The following SFSWAP variants were observed in gnomAD, a reference collection of about 807,000 sequenced individuals.
SFSWAP encodes splicing factor, suppressor of white-apricot homolog.
A neutral mutation model predicts 100.7 loss-of-function variants in SFSWAP; 17 were observed. The ratio of observed to expected loss-of-function variants is 0.17; its 90% CI spans 0.12 to 0.25. SFSWAP has a LOEUF of 0.25. SFSWAP is among the 10% of genes least tolerant of loss of function. The probability of loss-of-function intolerance (pLI) is 1.00; values close to 1 mark genes in which losing one functional copy is unlikely to be tolerated. For missense variants in SFSWAP, 1,005 were observed against 1,262.6 expected, an observed-to-expected ratio of 0.80 and a Z score of 3.09; for synonymous variants, 504 against 510.1, an observed-to-expected ratio of 0.99 and a Z score of 0.16.
At chr12:131,751,048 C>G (rs919237839) in intron 7 of SFSWAP, among the ~76,000 whole-genome samples, 1 of 152,064 alleles carries the variant, frequency 6.6e-6, no homozygotes, top group African/African-American at 2.4e-5. Flanking sequence ...ATTTTGCCGG[C>G]ACTGCTATTT....
At position 131,714,869 on chromosome 12, in the gene SFSWAP, T is replaced by C. The variant is rs1436919365; in HGVS notation, c.436T>C (p.Tyr146His). 1 of 1,614,144 alleles carries C rather than the reference T, an allele frequency of 6.2e-7. No homozygotes were observed. Among genetic ancestry groups the C allele is most frequent in the East Asian group, 2.2e-5 (1 of 44,878 alleles). Residue 146 changes from tyrosine to histidine, a missense_variant, in exon 3 of 18, where the codon TAC becomes CAC. By Grantham distance (83) the Tyr-to-His change is moderately conservative. Around this residue, in one of 7 missense-constraint regions of SFSWAP, gnomAD observed 237 missense variants for 337.0 expected, o/e 0.70. Coordinates refer to ENST00000261674, the MANE Select transcript of SFSWAP (RefSeq NM_004592.4). The surrounding 1 kb of genome is among the most constrained non-coding windows in gnomAD (Gnocchi z 6.0). The stretch of plus-strand genomic sequence containing the variant: ...TGAAGCACTAGCAGAGGATGGGAGC[T>C]ACAATGCCGTGGGGTTCACTTACGG... ...LSEALAEDGS[Y>H]NAVGFTYGSD... is the part of the protein sequence containing the mutation.
chr12:131,741,916 T>C (rs756711728), intron 7 of SFSWAP, among the ~76,000 whole-genome samples: 3 of 151,984 alleles, frequency 2.0e-5, no homozygotes, highest in Admixed American at 6.6e-5. Context: ...GTGTGCAGGG[T>C]CTCATGCCGT....
chr12:131,773,443 ACTC>A (rs1883775155), intron 13 of SFSWAP, among the ~76,000 whole-genome samples: 2 of 151,744 alleles, frequency 1.3e-5, no homozygotes, highest in Non-Finnish European at 2.9e-5. Context: ...GGCCTGAAGC[ACTC>A]CTCCTACCTC....
chr12:131,721,179 T>G (rs1436930934), intron 4 of SFSWAP, among the ~76,000 whole-genome samples: 1 of 152,186 alleles, frequency 6.6e-6, no homozygotes, highest in Admixed American at 6.5e-5. Context: ...AAACTATTCA[T>G]GAAGGATCCA....
rs186519983 is a variant in SFSWAP, at chr12:131,723,962, A to G, written c.607-1443A>G. On this transcript the variant is annotated intron_variant, in intron 4 of 17. Coordinates refer to ENST00000261674, the MANE Select transcript of SFSWAP (RefSeq NM_004592.4). ...ATGTTGACTGTATTTTTTAAATCTC[A>G]TTGTGTAGTAGGAGTGATCATGATA... Among the ~76,000 whole-genome samples the G allele has an allele frequency of 7.2e-5, 11 of 152,340 alleles. No homozygotes were observed. The East Asian group carries it at 2.1e-3, about 29-fold the overall frequency.
intron 7 of SFSWAP, among the ~76,000 whole-genome samples, chr12:131,743,931 A>G (rs1258269517): frequency 6.6e-6 from 1 of 152,228 alleles, no homozygotes; most frequent in Non-Finnish European, 1.5e-5. Flanking sequence ...GAAGCTGCCA[A>G]GGCTTAGGGC....
chr12:131,796,602 AGAGT>A (rs1242646702), intron 15 of SFSWAP: 4 of 152,886 alleles, frequency 2.6e-5, no homozygotes, highest in Middle Eastern at 3.4e-3. Flanking sequence ...CCTGGACAAC[AGAGT>A]GAGACCCCAT....
At chr12:131,754,625 G>GTATTT in intron 9 of SFSWAP, 126 bp downstream of exon 9, 2 of 133,118 alleles carry the variant, frequency 1.5e-5, no homozygotes, top group Non-Finnish European at 2.8e-5. Flanking sequence ...TGGCTCAAAT[G>GTATTT]TCTTTTTTTT....
intron 15 of SFSWAP, among the ~76,000 whole-genome samples, chr12:131,788,834 CCT>C (rs1219775945): frequency 6.6e-6 from 1 of 152,080 alleles, no homozygotes; most frequent in Non-Finnish European, 1.5e-5. Flanking sequence ...AGCCCGTGTC[CCT>C]GTCTCAGAGC....
chr12:131,769,784 G>A (rs965340021), intron 13 of SFSWAP, among the ~76,000 whole-genome samples: 18 of 151,882 alleles, frequency 1.2e-4, no homozygotes, highest in African/African-American at 1.9e-4. Context: ...CCGCCACCAC[G>A]CCCGGCTAAT....
chr12:131,792,125 G>A (rs575484701), intron 15 of SFSWAP, among the ~76,000 whole-genome samples: 32 of 150,138 alleles, frequency 2.1e-4, no homozygotes, highest in African/African-American at 8.0e-4. Flanking sequence ...AGTACTGTGT[G>A]TGTGCACGTG....
intron 13 of SFSWAP, among the ~76,000 whole-genome samples, chr12:131,768,057 AT>A: frequency 6.6e-6 from 1 of 152,340 alleles, no homozygotes; most frequent in African/African-American, 2.4e-5. Flanking sequence ...GCTCATCTAT[AT>A]GTGCGCACGT....
rs548759996 is a variant in SFSWAP at position 131,799,409 on chromosome 12, C to G, written c.2791-14C>G. The stretch of plus-strand genomic sequence containing the variant: ...GGTCTTCACAGGTTCTCCTCTGTGT[C>G]TCGCCCTGCACAGGATCTCATGGCC... On this transcript the variant is annotated splice_polypyrimidine_tract_variant and intron_variant, in intron 17 of 17. Transcript: ENST00000261674. The G allele has an allele frequency of 3.0e-5, 48 of 1,613,820 alleles. No homozygotes were observed. The South Asian group carries it at 4.7e-4, about 16-fold the overall frequency.
chr12:131,735,561 G>A (rs73479647), intron 7 of SFSWAP, among the ~76,000 whole-genome samples: 113 of 152,306 alleles, frequency 7.4e-4, no homozygotes, highest in African/African-American at 2.6e-3. Context: ...CATAGTTGGC[G>A]CTTTAAGCAA....
At chr12:131,780,849 G>T (rs749621019) in intron 14 of SFSWAP, among the ~76,000 whole-genome samples, 57 of 152,228 alleles carry the variant, frequency 3.7e-4, no homozygotes, top group Non-Finnish European at 6.0e-4. Context: ...AAACCTTGGG[G>T]GACCGATCAT....
In SFSWAP at chr12:131,728,379, C is replaced by A. The variant is rs542020329; in HGVS notation, c.1032C>A (p.Asn344Lys). 2.5e-6 allele frequency: 4 copies of A among 1,614,234 alleles called. No individual in the cohort carries two copies. Among genetic ancestry groups the A allele is most frequent in the Non-Finnish European group, 3.4e-6 (4 of 1,180,030 alleles). Residue 344 changes from asparagine (N) to lysine (K), a missense_variant, in exon 7 of 18, where the codon AAC (asparagine) becomes AAA (lysine). By Grantham distance (94) the Asn-to-Lys change is moderately conservative. This residue lies in a region of SFSWAP where 311 missense variants were observed against 317.8 expected (regional missense o/e 0.98). Coordinates refer to ENST00000261674, the MANE Select transcript of SFSWAP (RefSeq NM_004592.4). ...QADSSTPTPH[N>K]ADGAPVQPSQ... ...ACAGTTCCACTCCCACCCCACACAA[C>A]GCAGACGGTGCGCCTGTGCAGCCCT...
At chr12:131,797,639 G>C (rs906487924) in intron 16 of SFSWAP, among the ~76,000 whole-genome samples, 2 of 152,234 alleles carry the variant, frequency 1.3e-5, no homozygotes, top group African/African-American at 4.8e-5. Flanking sequence ...TGTCACACAC[G>C]TGCCTGATGC....
chr12:131,785,437 CAA>C, intron 14 of SFSWAP: 1 of 458,512 alleles, frequency 2.2e-6, no homozygotes, highest in East Asian at 3.4e-5. Flanking sequence ...AGAACTTTTT[CAA>C]ATGGCAAAAT....
intron 15 of SFSWAP, among the ~76,000 whole-genome samples, chr12:131,795,480 A>G (rs1885568245): frequency 6.6e-6 from 1 of 152,196 alleles, no homozygotes; most frequent in Non-Finnish European, 1.5e-5. Flanking sequence ...CTGCAGGGCC[A>G]GACACTGGTG....
Sources: allele counts gnomAD v4.1 joint callset (sites outside exome capture counted in the v4.1 genomes callset), GRCh38; gene constraint gnomAD v4.1.1; regional missense constraint gnomAD v4.1.1; non-coding constraint Gnocchi (gnomAD v3.1); transcripts MANE v1.5; gene names NCBI Gene and HGNC (gene_info 2026-07-23, HGNC 2026-07-21).